The following GPC5 variants were observed in gnomAD, a reference collection of about 807,000 sequenced individuals.
GPC5 encodes glypican 5.
A neutral mutation model predicts 53.9 loss-of-function variants in GPC5; 47 were observed. The ratio of observed to expected loss-of-function variants is 0.87; its 90% CI spans 0.69 to 1.11. GPC5 has a LOEUF of 1.11. Ranked by LOEUF, GPC5 falls within the 50% of genes most tolerant of loss-of-function variation. GPC5 has a pLI of 0.00. For synonymous variants in GPC5, 286 were observed against 263.3 expected (o/e 1.09, Z -0.84); for missense variants, 748 against 713.1 (o/e 1.05, Z -0.56).
chr13:92,109,060 G>GTTT (rs2041533903), intron 6 of GPC5, among the ~76,000 whole-genome samples: 1 of 121,124 alleles, frequency 8.3e-6, no homozygotes, highest in Non-Finnish European at 1.7e-5. Context: ...TCAATATGTT[G>GTTT]GTTTTTTTTT....
chr13:91,621,445 AG>A, intron 2 of GPC5, among the ~76,000 whole-genome samples: 1 of 152,126 alleles, frequency 6.6e-6, no homozygotes, highest in South Asian at 2.1e-4. Flanking sequence ...GGTGACAGGT[AG>A]ACACATTAGA....
At chr13:92,558,366 ATC>A (rs1882573274) in intron 7 of GPC5, among the ~76,000 whole-genome samples, 2 of 152,086 alleles carry the variant, frequency 1.3e-5, no homozygotes, top group African/African-American at 4.8e-5. Context: ...CAAGTGACAT[ATC>A]TCAGAGATAG....
chr13:92,407,661 C>T (rs1875852908), intron 7 of GPC5, among the ~76,000 whole-genome samples: 1 of 152,116 alleles, frequency 6.6e-6, no homozygotes, highest in South Asian at 2.1e-4. Flanking sequence ...TGTAGCTATA[C>T]AAATTGGTAC....
intron 2 of GPC5, among the ~76,000 whole-genome samples, chr13:91,492,903 G>A (rs1156881792): frequency 6.6e-6 from 1 of 152,168 alleles, no homozygotes; most frequent in African/African-American, 2.4e-5. Context: ...CAAAATGTTA[G>A]TTTAAGTATA....
rs571532111 is a variant in GPC5 at position 92,127,713 on chromosome 13, G to T, written c.1402-17117G>T. Among the ~76,000 whole-genome samples, 6 of 152,276 alleles carry T rather than the reference G, an allele frequency of 3.9e-5. No homozygotes were observed. In the South Asian group the frequency reaches 6.2e-4, roughly 16 times the overall value. Reference sequence around the variant, plus strand: ...AAATGCTGGGTAAACAGGGATAAAAGCTCTATGAGGGATGTTTAACATTGA... The same window carrying T: ...AAATGCTGGGTAAACAGGGATAAAATCTCTATGAGGGATGTTTAACATTGA... On this transcript the variant is annotated intron_variant, in intron 6 of 7. Transcript: ENST00000377067.
In GPC5 at chr13:92,490,089, C is replaced by T. The variant is rs572609006; in HGVS notation, c.1561+345100C>T. On this transcript the variant is annotated intron_variant, in intron 7 of 7. Coordinates refer to ENST00000377067, the MANE Select transcript of GPC5 (RefSeq NM_004466.6). ...AATTTATCTATAATGTGCAGTTAAA[C>T]TTTTCAGCGCATTGTTTCCCGAAAA... 3 of 154,232 alleles carry T rather than the reference C, an allele frequency of 1.9e-5. No individual in the cohort carries two copies. In the South Asian group the frequency reaches 6.2e-4, roughly 32 times the overall value. 9.6% of individuals were successfully genotyped at this position (154,232 alleles called of 1,614,324 possible). A position where few individuals can be genotyped will look rare whatever the true frequency, so the allele number is the denominator to read the frequency against.
At chr13:92,422,506 A>T (rs750245664) in intron 7 of GPC5, among the ~76,000 whole-genome samples, 5 of 145,430 alleles carry the variant, frequency 3.4e-5, no homozygotes, top group African/African-American at 5.0e-5. Flanking sequence ...ACACACACAC[A>T]CACACACACA....
intron 1 of GPC5, among the ~76,000 whole-genome samples, chr13:91,403,739 C>T (rs1018371470): frequency 1.3e-5 from 2 of 152,170 alleles, no homozygotes; most frequent in Non-Finnish European, 1.5e-5. Flanking sequence ...AAGAGAATCA[C>T]GTGTTTCATT....
intron 5 of GPC5, among the ~76,000 whole-genome samples, chr13:91,759,343 C>G (rs1459194123): frequency 6.6e-6 from 1 of 152,008 alleles, no homozygotes; most frequent in African/African-American, 2.4e-5. Flanking sequence ...AGGTACCCAT[C>G]AACTCAAGCA....
chr13:92,144,214 C>A (rs905622269), intron 6 of GPC5, among the ~76,000 whole-genome samples: 8 of 152,122 alleles, frequency 5.3e-5, no homozygotes, highest in African/African-American at 1.4e-4. Context: ...ACTTGAGAAT[C>A]AAGAACTGAG....
At chr13:92,332,519 A>T (rs1470915346) in intron 7 of GPC5, among the ~76,000 whole-genome samples, 1 of 152,208 alleles carries the variant, frequency 6.6e-6, no homozygotes, top group Non-Finnish European at 1.5e-5. Flanking sequence ...TTTCACAATT[A>T]TAAAACTGGA....
At chr13:91,782,446 A>G (rs1594558696) in intron 5 of GPC5, among the ~76,000 whole-genome samples, 1 of 152,288 alleles carries the variant, frequency 6.6e-6, no homozygotes, top group South Asian at 2.1e-4. Flanking sequence ...CCTTCTTCAC[A>G]TGGCGCCAGG....
At chr13:92,467,300 G>T (rs532241968) in intron 7 of GPC5, among the ~76,000 whole-genome samples, 1 of 152,096 alleles carries the variant, frequency 6.6e-6, no homozygotes, top group Non-Finnish European at 1.5e-5. Flanking sequence ...ATTCATGTCC[G>T]TCTTAAGAAA....
At chr13:91,789,677 T>A (rs1269942184) in intron 5 of GPC5, among the ~76,000 whole-genome samples, 2 of 152,222 alleles carry the variant, frequency 1.3e-5, no homozygotes, top group African/African-American at 2.4e-5. Flanking sequence ...AAATTTGTTA[T>A]AAAAATTATG....
chr13:91,439,204 A>G (rs780378290), intron 1 of GPC5, among the ~76,000 whole-genome samples: 4 of 151,924 alleles, frequency 2.6e-5, no homozygotes, highest in African/African-American at 4.8e-5. Context: ...CAAGGGGGGG[A>G]CATTTAGCAA....
rs1223620465 is a variant in GPC5, at chr13:91,967,944, G to GT, written c.1401+59888dup. 1.1e-4 allele frequency among the ~76,000 whole-genome samples: 17 copies of GT among 151,744 alleles called. No individual in the cohort carries two copies. The South Asian group carries it at 1.7e-3, about 15-fold the overall frequency. On this transcript the variant is annotated intron_variant, in intron 6 of 7. Transcript: ENST00000377067. ...ATGGAATTCAATATTTTTAAAATGT[G>GT]TATTAGTTATAATTGTTCATTTTCT...
chr13:91,838,280 C>T (rs1324965515), intron 5 of GPC5, among the ~76,000 whole-genome samples: 1 of 152,086 alleles, frequency 6.6e-6, no homozygotes, highest in African/African-American at 2.4e-5. Flanking sequence ...AACTCAGTGA[C>T]ATCCCCAGGA....
chr13:91,860,843 C>A (rs1229635063), intron 5 of GPC5, among the ~76,000 whole-genome samples: 5 of 152,088 alleles, frequency 3.3e-5, no homozygotes, highest in Admixed American at 3.3e-4. Context: ...GTTGTTGGAC[C>A]CTTAGGTTGA....
chr13:92,420,214 C>T (rs1876497204), intron 7 of GPC5, among the ~76,000 whole-genome samples: 1 of 152,088 alleles, frequency 6.6e-6, no homozygotes, highest in Non-Finnish European at 1.5e-5. Flanking sequence ...CATTGTTTAG[C>T]ACAAAATTAT....
Sources: gnomAD v4.1 joint callset for allele counts (sites outside exome capture counted in the v4.1 genomes callset) on GRCh38, gnomAD v4.1.1 for gene constraint, MANE v1.5 for transcripts, NCBI Gene and HGNC (gene_info 2026-07-23, HGNC 2026-07-21) for gene names.